Variants in TRAPPC9 observed in about 807,000 individuals in gnomAD.
TRAPPC9 encodes trafficking protein particle complex subunit 9.
A neutral mutation model predicts 124.0 loss-of-function variants in TRAPPC9; 83 were observed. The observed-to-expected ratio is 0.67, with a 90% CI of 0.56 to 0.80. TRAPPC9 has a LOEUF of 0.80. TRAPPC9 is among the 30% of genes least tolerant of loss of function. The pLI is 0.00. For missense variants in TRAPPC9, 1,302 were observed against 1,508.3 expected (o/e 0.86, Z 2.27); for synonymous variants, 638 against 617.5 (o/e 1.03, Z -0.49).
intron 21 of TRAPPC9, among the ~76,000 whole-genome samples, chr8:139,772,080 A>G (rs1821004775): frequency 6.6e-6 from 1 of 152,202 alleles, no homozygotes. Context: ...AGGGCTATCT[A>G]TCTAGCCCGC....
At chr8:139,832,501 G>A (rs533424267) in intron 21 of TRAPPC9, among the ~76,000 whole-genome samples, 4 of 152,220 alleles carry the variant, frequency 2.6e-5, no homozygotes, top group Non-Finnish European at 5.9e-5. Flanking sequence ...AGTGGGCACG[G>A]AGTTGGGAGA....
chr8:139,803,357 A>G (rs530484125), intron 21 of TRAPPC9, among the ~76,000 whole-genome samples: 7 of 152,350 alleles, frequency 4.6e-5, no homozygotes, highest in African/African-American at 1.7e-4. Flanking sequence ...CCCCGTGGGC[A>G]GAAATTTGAC....
At chr8:140,189,133 A>C (rs1341335024) in intron 17 of TRAPPC9, among the ~76,000 whole-genome samples, 2 of 152,252 alleles carry the variant, frequency 1.3e-5, no homozygotes, top group African/African-American at 4.8e-5. Context: ...TGCCTTCTGC[A>C]AAATTGAATC....
intron 12 of TRAPPC9, among the ~76,000 whole-genome samples, chr8:140,289,143 T>C (rs1257435952): frequency 6.6e-6 from 1 of 151,962 alleles, no homozygotes; most frequent in Non-Finnish European, 1.5e-5. Flanking sequence ...TGTGTACATA[T>C]ATGTAGGCAT....
intron 17 of TRAPPC9, among the ~76,000 whole-genome samples, chr8:140,154,119 C>T (rs1364641864): frequency 6.6e-6 from 1 of 152,178 alleles, no homozygotes; most frequent in Non-Finnish European, 1.5e-5. Flanking sequence ...AACTCATGAT[C>T]GCCTCTACCT....
At chr8:139,854,166 C>T (rs921740881) in intron 21 of TRAPPC9, among the ~76,000 whole-genome samples, 6 of 152,100 alleles carry the variant, frequency 3.9e-5, no homozygotes, top group Non-Finnish European at 5.9e-5. Context: ...GAGGGATTTG[C>T]GAGGCTTTCT....
At chr8:139,910,922 T>C (rs1256700090) in intron 19 of TRAPPC9, among the ~76,000 whole-genome samples, 3 of 152,236 alleles carry the variant, frequency 2.0e-5, no homozygotes, top group African/African-American at 7.2e-5. Flanking sequence ...GATGAGACTT[T>C]GGACTGTGGA....
chr8:140,457,796 C>G (rs546624664), upstream of TRAPPC9: 1 of 1,027,968 alleles, frequency 9.7e-7, no homozygotes, highest in African/African-American at 1.7e-5. Flanking sequence ...AGGCCTGGGC[C>G]CCCGATCCGT....
chr8:140,293,428 C>A (rs2065717927), intron 11 of TRAPPC9, among the ~76,000 whole-genome samples: 2 of 152,066 alleles, frequency 1.3e-5, no homozygotes, highest in Non-Finnish European at 1.5e-5. Flanking sequence ...ATGTTTATTG[C>A]AGCACTATTC....
chr8:140,018,094 C>T (rs1031285119), intron 18 of TRAPPC9, among the ~76,000 whole-genome samples: 16 of 152,058 alleles, frequency 1.1e-4, no homozygotes, highest in African/African-American at 3.4e-4. Context: ...CCACCTGCCT[C>T]GGCCTCTCGA....
At chr8:139,804,728 CACCA>C (rs1465814197) in intron 21 of TRAPPC9, among the ~76,000 whole-genome samples, 2 of 134,298 alleles carry the variant, frequency 1.5e-5, no homozygotes, top group Non-Finnish European at 3.2e-5. Flanking sequence ...CGGCACCAAG[CACCA>C]CCACCACCAC....
intron 19 of TRAPPC9, among the ~76,000 whole-genome samples, chr8:139,941,194 G>A (rs1026212407): frequency 2.6e-5 from 4 of 152,038 alleles, no homozygotes; most frequent in South Asian, 2.1e-4. Flanking sequence ...CATCCTCCCC[G>A]GCCCTCAGCC....
intron 19 of TRAPPC9, among the ~76,000 whole-genome samples, chr8:139,985,892 C>T (rs532002175): frequency 1.8e-4 from 27 of 152,286 alleles, no homozygotes; most frequent in African/African-American, 6.3e-4. Context: ...CAAAGAATAA[C>T]GCTGATTTTT....
chr8:140,411,141 TGTTA>T (rs946885967), intron 5 of TRAPPC9, among the ~76,000 whole-genome samples: 1 of 152,172 alleles, frequency 6.6e-6, no homozygotes, highest in African/African-American at 2.4e-5. Context: ...GTACGGGTTT[TGTTA>T]GTTAGTTAGT....
intron 17 of TRAPPC9, among the ~76,000 whole-genome samples, chr8:140,044,709 AG>A (rs1841479025): frequency 6.6e-6 from 1 of 152,234 alleles, no homozygotes; most frequent in South Asian, 2.1e-4. Flanking sequence ...AGAAGATTAC[AG>A]CTTCTCGCCT....
chr8:140,024,227 G>A lies in TRAPPC9; in HGVS notation c.2557-148C>T, dbSNP rs375968378. 1.2e-5 allele frequency: 12 copies of A among 1,038,328 alleles called. No individual in the cohort carries two copies. The African/African-American group carries it at 1.7e-4, about 15-fold the overall frequency. The allele number at this position is 1,038,328 out of a possible 1,614,324, so 64.3% of individuals were successfully genotyped here. A position where few individuals can be genotyped will look rare whatever the true frequency, so the allele number is the denominator to read the frequency against. On this transcript the variant is annotated intron_variant, in intron 17 of 22. Coordinates refer to ENST00000438773, the MANE Select transcript of TRAPPC9 (RefSeq NM_001160372.4). ...CAGCATTGGCCGACTCACAACCCCG[G>A]CGGGTACCGACTCACACCCCCGGCG...
At chr8:140,176,914 C>T (rs900404833) in intron 17 of TRAPPC9, among the ~76,000 whole-genome samples, 1 of 152,166 alleles carries the variant, frequency 6.6e-6, no homozygotes, top group Non-Finnish European at 1.5e-5. Context: ...TGATGCTGAG[C>T]ATCTTTTCAT....
intron 4 of TRAPPC9, among the ~76,000 whole-genome samples, chr8:140,432,587 G>A (rs1038212868): frequency 3.0e-4 from 45 of 152,228 alleles, no homozygotes; most frequent in Non-Finnish European, 7.4e-5. Context: ...TAAAAGTCAC[G>A]TCTGGCCGGG....
intron 19 of TRAPPC9, among the ~76,000 whole-genome samples, chr8:139,963,921 T>C (rs1469591710): frequency 1.3e-5 from 2 of 152,096 alleles, no homozygotes; most frequent in Non-Finnish European, 2.9e-5. Context: ...TATGCAACTA[T>C]AAAAAAATTA....
Sources: allele counts gnomAD v4.1 joint callset (sites outside exome capture counted in the v4.1 genomes callset), GRCh38; gene constraint gnomAD v4.1.1; transcripts MANE v1.5; gene names NCBI Gene and HGNC (gene_info 2026-07-23, HGNC 2026-07-21).